GRIK2: variants seen among roughly 807,000 people sequenced by gnomAD.
GRIK2 encodes glutamate ionotropic receptor kainate type subunit 2, also known as glutamate receptor ionotropic, kainate 2.
A neutral mutation model predicts 100.3 loss-of-function variants in GRIK2; 32 were observed. The observed-to-expected ratio is 0.32, with a 90% CI of 0.24 to 0.43. The LOEUF (loss-of-function observed/expected upper bound fraction) is 0.43. Ranked by LOEUF, GRIK2 falls within the 20% of genes least tolerant of loss-of-function variation. The probability of loss-of-function intolerance (pLI) is 1.00; values close to 1 mark genes in which losing one functional copy is unlikely to be tolerated. For synonymous variants in GRIK2, 417 were observed against 389.4 expected (o/e 1.07, Z -0.83); for missense variants, 843 against 1,114.9 (o/e 0.76, Z 3.47).
intron 3 of GRIK2, among the ~76,000 whole-genome samples, chr6:101,625,384 TAATAAATAAATAAATAAATA>T (rs139402781): frequency 6.8e-6 from 1 of 147,534 alleles, no homozygotes; most frequent in Non-Finnish European, 1.5e-5. Flanking sequence ...ACAAAATAAA[TAATAAATAAATAAATAAATA>T]AATAAATAAA....
At chr6:101,909,979 G>A (rs1282472132) in intron 12 of GRIK2, among the ~76,000 whole-genome samples, 1 of 124,100 alleles carries the variant, frequency 8.1e-6, no homozygotes, top group African/African-American at 3.1e-5. Flanking sequence ...TTTGAGAACA[G>A]ATAAACTGAT....
At chr6:101,666,212 A>G (rs1007224209) in intron 4 of GRIK2, among the ~76,000 whole-genome samples, 13 of 152,188 alleles carry the variant, frequency 8.5e-5, no homozygotes, top group African/African-American at 1.7e-4. Flanking sequence ...AAATTGGCCA[A>G]CGGAAGGAGT....
At chr6:101,859,028 T>C (rs551607618) in intron 10 of GRIK2, among the ~76,000 whole-genome samples, 5 of 152,104 alleles carry the variant, frequency 3.3e-5, no homozygotes, top group African/African-American at 1.2e-4. Context: ...GCATAAGATA[T>C]AAGATATACC....
intron 2 of GRIK2, among the ~76,000 whole-genome samples, chr6:101,475,535 T>C (rs917430477): frequency 6.6e-6 from 1 of 152,040 alleles, no homozygotes; most frequent in Admixed American, 6.6e-5. Flanking sequence ...TTCACTTTAA[T>C]GTCTTTCTCT....
chr6:101,506,003 CT>C (rs1212421547), intron 2 of GRIK2, among the ~76,000 whole-genome samples: 2 of 151,964 alleles, frequency 1.3e-5, no homozygotes, highest in Non-Finnish European at 2.9e-5. Context: ...AAATATAAAT[CT>C]TTTTGAGTAC....
chr6:101,618,485 A>AT (rs752067341), intron 2 of GRIK2, among the ~76,000 whole-genome samples: 1 of 151,596 alleles, frequency 6.6e-6, no homozygotes, highest in African/African-American at 2.4e-5. Flanking sequence ...CTATTTATGC[A>AT]TTTTTTGCTT....
At chr6:101,643,659 A>G (rs1781389471) in intron 4 of GRIK2, among the ~76,000 whole-genome samples, 1 of 151,304 alleles carries the variant, frequency 6.6e-6, no homozygotes, top group African/African-American at 2.4e-5. Flanking sequence ...ATCAGGAACT[A>G]TGAGATCTCC....
chr6:101,755,208 C>A (rs1777058599), intron 7 of GRIK2, among the ~76,000 whole-genome samples: 1 of 124,328 alleles, frequency 8.0e-6, no homozygotes, highest in South Asian at 2.6e-4. Context: ...GCTCTGTCAT[C>A]CAGTCTGGAG....
intron 2 of GRIK2, among the ~76,000 whole-genome samples, chr6:101,401,307 T>C (rs1194222376): frequency 1.3e-5 from 2 of 152,194 alleles, no homozygotes; most frequent in African/African-American, 4.8e-5. Flanking sequence ...GATCATTTCA[T>C]ATCTTCATAT....
chr6:101,599,615 A>G (rs888527037), intron 2 of GRIK2, among the ~76,000 whole-genome samples: 3 of 151,704 alleles, frequency 2.0e-5, no homozygotes, highest in Non-Finnish European at 4.4e-5. Flanking sequence ...CTGGTGTAAG[A>G]TGGTATCTCG....
chr6:101,494,197 TCATTTCAGTC>T (rs2128269073), intron 2 of GRIK2, among the ~76,000 whole-genome samples: 1 of 151,406 alleles, frequency 6.6e-6, no homozygotes, highest in East Asian at 1.9e-4. Context: ...AAAATTCAGT[TCATTTCAGTC>T]ACAGTACATA....
rs1002981148 is a variant in GRIK2, at chr6:101,505,794, T to C, written c.115+106402T>C. 9.0e-5 allele frequency among the ~76,000 whole-genome samples: 12 copies of C among 133,280 alleles called. No homozygotes were observed. The South Asian group carries it at 1.3e-3, about 14-fold the overall frequency. 87.4% of individuals were successfully genotyped at this position (133,280 alleles called of 152,430 possible). A position where few individuals can be genotyped will look rare whatever the true frequency, so the allele number is the denominator to read the frequency against. Reference sequence around the variant, plus strand: ...GAAATTAGAAAAAAAAAAAAAAAACTAGAAATCAGAAGACATTTTGTTTTT... The same window carrying C: ...GAAATTAGAAAAAAAAAAAAAAAACCAGAAATCAGAAGACATTTTGTTTTT... On this transcript the variant is annotated intron_variant, in intron 2 of 16. Coordinates refer to ENST00000369134, the MANE Select transcript of GRIK2 (RefSeq NM_021956.5).
intron 2 of GRIK2, among the ~76,000 whole-genome samples, chr6:101,523,239 A>G (rs939545428): frequency 1.3e-5 from 2 of 152,022 alleles, no homozygotes; most frequent in African/African-American, 4.8e-5. Flanking sequence ...ATTTTTGTCA[A>G]CCTCCTCCCT....
chr6:101,561,613 C>T (rs1163177518), intron 2 of GRIK2, among the ~76,000 whole-genome samples: 2 of 151,762 alleles, frequency 1.3e-5, no homozygotes, highest in African/African-American at 2.4e-5. Context: ...CATGCACTCC[C>T]AGAATGTGGG....
intron 7 of GRIK2, among the ~76,000 whole-genome samples, chr6:101,747,582 T>A (rs1217588511): frequency 6.6e-6 from 1 of 152,194 alleles, no homozygotes; most frequent in African/African-American, 2.4e-5. Context: ...ATGTTTTATA[T>A]CTGTAATAAA....
chr6:101,660,276 T>C (rs1582910602), intron 4 of GRIK2, among the ~76,000 whole-genome samples: 2 of 152,340 alleles, frequency 1.3e-5, no homozygotes, highest in Admixed American at 6.5e-5. Flanking sequence ...CTATTGATAC[T>C]TGTGTATGCT....
intron 2 of GRIK2, among the ~76,000 whole-genome samples, chr6:101,500,777 A>C (rs1773708090): frequency 6.6e-6 from 1 of 152,104 alleles, no homozygotes; most frequent in Admixed American, 6.6e-5. Flanking sequence ...AATATTTCAC[A>C]ACCAGGGTTT....
At chr6:101,835,464 C>CTTT (rs764148146) in intron 10 of GRIK2, among the ~76,000 whole-genome samples, 168 of 89,008 alleles carry the variant, frequency 1.9e-3, no homozygotes, top group East Asian at 0.017. Flanking sequence ...CTATGAGTTC[C>CTTT]TTTTTTTTTT....
At chr6:101,707,621 TATATATGA>T (rs1773428217) in intron 7 of GRIK2, among the ~76,000 whole-genome samples, 1 of 144,020 alleles carries the variant, frequency 6.9e-6, no homozygotes, top group African/African-American at 2.6e-5. Context: ...TATATATATA[TATATATGA>T]ATTGTGATAA....
Sources: gnomAD v4.1 joint callset for allele counts (sites outside exome capture counted in the v4.1 genomes callset) on GRCh38, gnomAD v4.1.1 for gene constraint, MANE v1.5 for transcripts, NCBI Gene and HGNC (gene_info 2026-07-23, HGNC 2026-07-21) for gene names.